Variants in LCLAT1 observed in about 807,000 individuals in gnomAD.
LCLAT1 encodes 1-AGP acyltransferase 8.
In LCLAT1, 11 loss-of-function variants were observed where a neutral mutation model predicts 30.7. The observed-to-expected ratio is 0.36, with a 90% CI of 0.23 to 0.59. LCLAT1 has a LOEUF of 0.59. Ranked by LOEUF, LCLAT1 falls within the 20% of genes least tolerant of loss-of-function variation. The pLI is 0.77. For synonymous variants in LCLAT1, 155 were observed against 151.3 expected, an observed-to-expected ratio of 1.02 and a Z score of -0.18; for missense variants, 402 against 458.6, an observed-to-expected ratio of 0.88 and a Z score of 1.13.
At chr2:30,472,915 G>A (rs894357101) in intron 1 of LCLAT1, among the ~76,000 whole-genome samples, 15 of 152,006 alleles carry the variant, frequency 9.9e-5, no homozygotes, top group African/African-American at 3.1e-4. Context: ...ACAGTGATGA[G>A]GAAGAAAAAA....
chr2:30,515,557 C>T (rs888321560), intron 1 of LCLAT1, among the ~76,000 whole-genome samples: 8 of 152,128 alleles, frequency 5.3e-5, no homozygotes, highest in Admixed American at 2.0e-4. Flanking sequence ...GTTGTTAATT[C>T]GCTGAAAGGA....
intron 5 of LCLAT1, among the ~76,000 whole-genome samples, chr2:30,570,094 A>G (rs1394434190): frequency 6.6e-6 from 1 of 152,174 alleles, no homozygotes; most frequent in Non-Finnish European, 1.5e-5. Context: ...ATCATAGAAC[A>G]ATCTATAGAG....
At chr2:30,456,544 C>T (rs1422532019) in intron 1 of LCLAT1, among the ~76,000 whole-genome samples, 3 of 145,254 alleles carry the variant, frequency 2.1e-5, no homozygotes, top group African/African-American at 5.1e-5. Flanking sequence ...CCCTACATGG[C>T]TTTTGCTGTT....
At chr2:30,558,005 TATCA>T (rs1665011010) in intron 3 of LCLAT1, among the ~76,000 whole-genome samples, 1 of 152,204 alleles carries the variant, frequency 6.6e-6, no homozygotes, top group African/African-American at 2.4e-5. Flanking sequence ...ACTTGAAATG[TATCA>T]ATCATGAACT....
intron 1 of LCLAT1, among the ~76,000 whole-genome samples, chr2:30,468,138 A>G (rs1682546266): frequency 6.6e-6 from 1 of 152,232 alleles, no homozygotes. Flanking sequence ...GAAGAGATCC[A>G]GTTTCAGCTT....
chr2:30,585,350 A>T lies in LCLAT1; in HGVS notation c.628+17174A>T, dbSNP rs548562360. ...GCAACTTTTACCTCTCTCAGAAATC[A>T]GTCAACCCTTCACTACATCCTCTGC... On this transcript the variant is annotated intron_variant, in intron 5 of 5. Coordinates refer to ENST00000379509, the MANE Select transcript of LCLAT1 (RefSeq NM_001002257.3). 7.9e-5 allele frequency among the ~76,000 whole-genome samples: 12 copies of T among 152,300 alleles called. No homozygotes were observed. The East Asian group carries it at 2.3e-3, about 29-fold the overall frequency.
At position 30,550,064 on chromosome 2, in the gene LCLAT1, G is replaced by A. The variant is rs74742708; in HGVS notation, c.365-12082G>A. Among the ~76,000 whole-genome samples, 1,400 of 152,248 alleles carry A rather than the reference G, an allele frequency of 9.2e-3. 24 individuals are homozygous for A. The highest frequency in any genetic ancestry group is 0.032 in the African/African-American group (1,328 of 41,550). Reference sequence around the variant, plus strand: ...ATATGGTATAGTAAGCGAATTCCAAGTAAGATTATTTAGGCCTTGATTTTG... The same window carrying A: ...ATATGGTATAGTAAGCGAATTCCAAATAAGATTATTTAGGCCTTGATTTTG... On this transcript the variant is annotated intron_variant, in intron 3 of 5. Transcript: ENST00000379509.
intron 3 of LCLAT1, among the ~76,000 whole-genome samples, chr2:30,534,579 G>C (rs1427306259): frequency 6.6e-6 from 1 of 152,034 alleles, no homozygotes; most frequent in African/African-American, 2.4e-5. Flanking sequence ...CCGGCCAACT[G>C]TTTGTGTTTT....
At chr2:30,620,716 C>G (rs551082205) in intron 5 of LCLAT1, among the ~76,000 whole-genome samples, 19 of 152,152 alleles carry the variant, frequency 1.2e-4, no homozygotes, top group Non-Finnish European at 2.8e-4. Flanking sequence ...TTTCTTAATA[C>G]TGTATTAGTT....
At chr2:30,501,419 T>G (rs996579474) in intron 1 of LCLAT1, among the ~76,000 whole-genome samples, 1 of 152,140 alleles carries the variant, frequency 6.6e-6, no homozygotes, top group African/African-American at 2.4e-5. Context: ...AACTATAGAT[T>G]TTGTAAAGAA....
At chr2:30,632,261 TC>T (rs1289056809) in intron 5 of LCLAT1, among the ~76,000 whole-genome samples, 9 of 152,206 alleles carry the variant, frequency 5.9e-5, no homozygotes, top group Non-Finnish European at 1.3e-4. Context: ...TTGAGTACTA[TC>T]CTTGACTTAA....
chr2:30,454,652 T>C (rs1681733471), intron 1 of LCLAT1, among the ~76,000 whole-genome samples: 1 of 151,668 alleles, frequency 6.6e-6, no homozygotes. Flanking sequence ...TATTGTTGTG[T>C]TGCCTGGGCT....
intron 1 of LCLAT1, among the ~76,000 whole-genome samples, chr2:30,517,892 A>G (rs755303123): frequency 2.3e-4 from 35 of 152,312 alleles, no homozygotes; most frequent in East Asian, 3.9e-4. Flanking sequence ...TAACACTCCA[A>G]TACCACCTTG....
intron 5 of LCLAT1, among the ~76,000 whole-genome samples, chr2:30,625,354 T>C (rs1423539006): frequency 1.3e-5 from 2 of 152,018 alleles, no homozygotes; most frequent in African/African-American, 2.4e-5. Flanking sequence ...AACCAAAAAA[T>C]GAAGAGAGAA....
intron 1 of LCLAT1, among the ~76,000 whole-genome samples, chr2:30,449,318 A>G (rs1055011205): frequency 6.6e-6 from 1 of 152,218 alleles, no homozygotes; most frequent in Non-Finnish European, 1.5e-5. Flanking sequence ...GAATGAACAC[A>G]TATTTCAAGC....
chr2:30,520,245 A>G (rs1685411972), intron 1 of LCLAT1, among the ~76,000 whole-genome samples: 1 of 152,222 alleles, frequency 6.6e-6, no homozygotes, highest in South Asian at 2.1e-4. Flanking sequence ...AGTTCTAAGA[A>G]CAAACACCTG....
At chr2:30,545,421 C>G (rs1664354709) in intron 3 of LCLAT1, among the ~76,000 whole-genome samples, 1 of 151,870 alleles carries the variant, frequency 6.6e-6, no homozygotes, top group Non-Finnish European at 1.5e-5. Context: ...AATTCTTGTG[C>G]AACTGACTAA....
chr2:30,516,737 A>C (rs1433329456), intron 1 of LCLAT1, among the ~76,000 whole-genome samples: 2 of 152,168 alleles, frequency 1.3e-5, no homozygotes, highest in African/African-American at 4.8e-5. Flanking sequence ...GATTCTCCAA[A>C]GCCCTGAGTA....
intron 5 of LCLAT1, among the ~76,000 whole-genome samples, chr2:30,611,598 C>T (rs1667743004): frequency 6.6e-6 from 1 of 152,094 alleles, no homozygotes; most frequent in African/African-American, 2.4e-5. Context: ...TGGTAGGACC[C>T]TGAGTCAGTA....
Sources: allele counts gnomAD v4.1 joint callset (sites outside exome capture counted in the v4.1 genomes callset), GRCh38; gene constraint gnomAD v4.1.1; transcripts MANE v1.5; gene names NCBI Gene and HGNC (gene_info 2026-07-23, HGNC 2026-07-21).